Variants in BAZ1A observed in about 807,000 individuals in gnomAD.
BAZ1A encodes the protein bromodomain adjacent to zinc finger domain 1A, also known as bromodomain adjacent to zinc finger domain protein 1A.
BAZ1A carries 50 observed loss-of-function variants against 185.2 expected under a neutral mutation model. The observed-to-expected ratio is 0.27, with a 90% CI of 0.22 to 0.34. The LOEUF (loss-of-function observed/expected upper bound fraction) is 0.34. Ranked by LOEUF, BAZ1A falls within the 10% of genes least tolerant of loss-of-function variation. BAZ1A has a pLI of 1.00. For synonymous variants in BAZ1A, 571 were observed against 615.6 expected (o/e 0.93, Z 1.07); for missense variants, 1,356 against 1,839.9 (o/e 0.74, Z 4.81).
At chr14:34,757,231 G>A (rs1466513843) in intron 25 of BAZ1A, among the ~76,000 whole-genome samples, 1 of 151,512 alleles carries the variant, frequency 6.6e-6, no homozygotes, top group Admixed American at 6.6e-5. Flanking sequence ...CAGGTATGGT[G>A]GCAGGTGCCT....
intron 11 of BAZ1A, among the ~76,000 whole-genome samples, 163 bp from the exon 12 acceptor site, chr14:34,793,084 T>A (rs1047008240): frequency 1.3e-5 from 2 of 152,200 alleles, no homozygotes; most frequent in Non-Finnish European, 2.9e-5. Flanking sequence ...AATAAGAATT[T>A]ATAATGATTA....
chr14:34,800,574 G>T (rs1594854029), intron 8 of BAZ1A, among the ~76,000 whole-genome samples, 184 bp from the exon 9 acceptor site: 1 of 152,190 alleles, frequency 6.6e-6, no homozygotes, highest in Admixed American at 6.5e-5. Flanking sequence ...CTAAGTTTAT[G>T]ACAAACTACA....
intron 21 of BAZ1A, among the ~76,000 whole-genome samples, chr14:34,767,900 G>A (rs1284699255): frequency 1.3e-5 from 2 of 152,148 alleles, no homozygotes; most frequent in Non-Finnish European, 2.9e-5. Flanking sequence ...AATGCTATGG[G>A]ATTTGATTAA....
intron 3 of BAZ1A, among the ~76,000 whole-genome samples, chr14:34,860,908 AG>A (rs1227868900): frequency 6.6e-6 from 1 of 152,186 alleles, no homozygotes; most frequent in African/African-American, 2.4e-5. Flanking sequence ...CAAAAAAAAA[AG>A]AACTTAATTA....
intron 4 of BAZ1A, among the ~76,000 whole-genome samples, chr14:34,815,868 T>C (rs766005333): frequency 8.5e-5 from 13 of 152,132 alleles, no homozygotes; most frequent in Non-Finnish European, 1.3e-4. Flanking sequence ...GAGATATATA[T>C]ATGTATAAAA....
intron 12 of BAZ1A, 41 bp from the exon 13 acceptor site, chr14:34,786,262 C>G (rs1261334269): frequency 1.3e-6 from 2 of 1,547,438 alleles, no homozygotes; most frequent in African/African-American, 1.4e-5. Context: ...CAAATCAAAG[C>G]TTGAATATTT....
At chr14:34,772,502 T>C (rs1292790233) in intron 20 of BAZ1A, among the ~76,000 whole-genome samples, 2 of 152,204 alleles carry the variant, frequency 1.3e-5, no homozygotes, top group Non-Finnish European at 2.9e-5. Flanking sequence ...TTCTCCACTG[T>C]TCCCTTCTAG....
chr14:34,840,596 T>C (rs922901004), intron 3 of BAZ1A, among the ~76,000 whole-genome samples: 3 of 151,994 alleles, frequency 2.0e-5, no homozygotes, highest in Non-Finnish European at 2.9e-5. Flanking sequence ...TCGTTTCTAC[T>C]AAAAATACAA....
At chr14:34,787,920 C>G (rs1880586531) in intron 12 of BAZ1A, among the ~76,000 whole-genome samples, 1 of 152,140 alleles carries the variant, frequency 6.6e-6, no homozygotes, top group South Asian at 2.1e-4. Flanking sequence ...ACAGTGTACA[C>G]AGATTCAGAC....
chr14:34,830,146 T>C (rs1415662500), intron 3 of BAZ1A, among the ~76,000 whole-genome samples: 1 of 152,204 alleles, frequency 6.6e-6, no homozygotes, highest in Non-Finnish European at 1.5e-5. Flanking sequence ...TTTAGCTATA[T>C]ACCTGAGAGA....
intron 3 of BAZ1A, among the ~76,000 whole-genome samples, chr14:34,852,852 G>C (rs1393172181): frequency 6.6e-6 from 1 of 152,058 alleles, no homozygotes; most frequent in Non-Finnish European, 1.5e-5. Context: ...AATCATAAAT[G>C]GCAGAACCCA....
intron 2 of BAZ1A, among the ~76,000 whole-genome samples, chr14:34,868,050 T>C (rs996274957): frequency 2.6e-5 from 4 of 152,246 alleles, no homozygotes; most frequent in Admixed American, 2.6e-4. Flanking sequence ...TACAGGTTAT[T>C]AATGTCAGAT....
At position 34,843,682 on chromosome 14, in the gene BAZ1A, ATT is replaced by A. The variant is rs1202741014; in HGVS notation, c.393-17528_393-17527del. ...CTACAACCACCATATAAATATAGCT[ATT>A]TTTTTCCAGTTTTACAGATTAGGAA... is the stretch of plus-strand genomic sequence containing the variant. On this transcript the variant is annotated intron_variant, in intron 3 of 26. Transcript: ENST00000360310. 5.3e-5 allele frequency among the ~76,000 whole-genome samples: 8 copies of A among 152,156 alleles called. No homozygotes were observed. The East Asian group carries it at 1.5e-3, about 29-fold the overall frequency.
intron 9 of BAZ1A, among the ~76,000 whole-genome samples, 156 bp downstream of exon 9, chr14:34,800,068 T>C (rs1301744380): frequency 6.6e-6 from 1 of 152,206 alleles, no homozygotes; most frequent in Non-Finnish European, 1.5e-5. Context: ...TGTTAAATTT[T>C]CCAAAGCAAA....
intron 3 of BAZ1A, among the ~76,000 whole-genome samples, chr14:34,844,987 T>G (rs2042485864): frequency 1.3e-5 from 2 of 152,180 alleles, no homozygotes; most frequent in Admixed American, 6.5e-5. Context: ...ATTCATTCAT[T>G]TATCTATTAT....
intron 9 of BAZ1A, 84 bp from the exon 10 acceptor site, chr14:34,795,849 G>A: frequency 9.9e-7 from 1 of 1,012,020 alleles, no homozygotes. Context: ...TGTTAGAAAT[G>A]CAAATACTTG....
At position 34,761,984 on chromosome 14, in the gene BAZ1A, C is replaced by T. The variant is rs779131491; in HGVS notation, c.4016G>A (p.Ser1339Asn). The T allele has an allele frequency of 6.2e-6, 10 of 1,614,192 alleles. No homozygotes were observed. The highest frequency in any genetic ancestry group is 1.6e-4 in the Middle Eastern group (1 of 6,062). ...LRIASRSTRH[S>N]HGPLQADVFV... ...TACATCTGCTTGCAGTGGGCCATGA[C>T]TGTGGCGAGTAGAACGACTGGCAAT... is the stretch of plus-strand genomic sequence containing the variant. Residue 1339 changes from serine (S) to asparagine (N), a missense_variant, in exon 24 of 27, where the codon AGT becomes AAT. By Grantham distance (46) the Ser-to-Asn change is conservative. This residue lies in a region of BAZ1A where 309 missense variants were observed against 355.3 expected (regional missense o/e 0.87). Coordinates refer to ENST00000360310, the MANE Select transcript of BAZ1A (RefSeq NM_013448.3).
intron 2 of BAZ1A, among the ~76,000 whole-genome samples, chr14:34,870,588 G>A (rs1054091314): frequency 1.3e-5 from 2 of 152,208 alleles, no homozygotes; most frequent in Non-Finnish European, 2.9e-5. Context: ...TAAGCAGACA[G>A]TACAGAGTGG....
rs115209801 is a variant in BAZ1A at position 34,833,778 on chromosome 14, C to T, written c.393-7622G>A. 3.2e-3 allele frequency among the ~76,000 whole-genome samples: 488 copies of T among 152,166 alleles called. 2 individuals carry two copies. The highest frequency in any genetic ancestry group is 0.011 in the African/African-American group (452 of 41,492). Reference sequence around the variant, plus strand: ...TCTGGAAATAGTGGTGATATTTACACAATACTGTGTACAACATTAAGTACA... The same window carrying T: ...TCTGGAAATAGTGGTGATATTTACATAATACTGTGTACAACATTAAGTACA... On this transcript the variant is annotated intron_variant, in intron 3 of 26. Transcript: ENST00000360310.
Sources: allele counts gnomAD v4.1 joint callset (sites outside exome capture counted in the v4.1 genomes callset), GRCh38; gene constraint gnomAD v4.1.1; regional missense constraint gnomAD v4.1.1; transcripts MANE v1.5; gene names NCBI Gene and HGNC (gene_info 2026-07-23, HGNC 2026-07-21).